The following SLCO1A2 variants were observed in gnomAD, a reference collection of about 807,000 sequenced individuals.
SLCO1A2 encodes solute carrier organic anion transporter family member 1A2, also known as OATP-1.
A neutral mutation model predicts 69.0 loss-of-function variants in SLCO1A2; 67 were observed. The ratio of observed to expected loss-of-function variants is 0.97; its 90% CI spans 0.80 to 1.19. The LOEUF (loss-of-function observed/expected upper bound fraction) is 1.19, where lower values mean the gene tolerates loss of function less well. Ranked by LOEUF, SLCO1A2 falls within the 50% of genes most tolerant of loss-of-function variation. The pLI is 0.00. For synonymous variants in SLCO1A2, 260 were observed against 265.9 expected (o/e 0.98, Z 0.22); for missense variants, 787 against 793.7 (o/e 0.99, Z 0.10).
At chr12:21,342,115 C>T (rs1334052611) in intron 2 of SLCO1A2, among the ~76,000 whole-genome samples, 1 of 151,924 alleles carries the variant, frequency 6.6e-6, no homozygotes, top group Non-Finnish European at 1.5e-5. Context: ...TGGACCATGG[C>T]TAAAGGCAGG....
intron 5 of SLCO1A2, among the ~76,000 whole-genome samples, chr12:21,305,958 T>G (rs2136522616): frequency 6.6e-6 from 1 of 152,264 alleles, no homozygotes; most frequent in East Asian, 1.9e-4. Flanking sequence ...TATACAAGTC[T>G]CTTAGCAGAA....
intron 1 of SLCO1A2, among the ~76,000 whole-genome samples, chr12:21,387,836 ACACGCAACAC>A (rs1043555296): frequency 6.6e-6 from 1 of 152,168 alleles, no homozygotes; most frequent in African/African-American, 2.4e-5. Flanking sequence ...AAAGCCACAG[ACACGCAACAC>A]CAGCCCATAA....
At chr12:21,289,992 AC>A (rs1333276433) in intron 12 of SLCO1A2, among the ~76,000 whole-genome samples, 10 of 148,962 alleles carry the variant, frequency 6.7e-5, no homozygotes, top group Admixed American at 5.3e-4. Context: ...GAATAGAGAA[AC>A]CGTTTGTTTT....
In SLCO1A2 at chr12:21,267,851, C is replaced by T. The variant is rs939615053; in HGVS notation, c.*1697G>A. On this transcript the variant is annotated 3_prime_UTR_variant, in exon 15 of 15. Transcript: ENST00000683939. ...CCACAAAGGAAGTGGCTCCAAATTT[C>T]ATGTCATCAGATCTTAATACGATAT... 11 of 152,038 alleles carry T rather than the reference C, an allele frequency of 7.2e-5. No individual in the cohort carries two copies. The highest frequency in any genetic ancestry group is 2.4e-4 in the African/African-American group (10 of 41,426). The allele number at this position is 152,038 out of a possible 1,614,324, so 9.4% of individuals were successfully genotyped here.
At position 21,404,586 on chromosome 12, in the gene SLCO1A2, G is replaced by A. The variant is rs1222749437; in HGVS notation, c.-312+13296C>T. ...TGATCTCATTCCTTTTCATGGCTGTGTAGTATTACATGGTGTATATATACC... is the reference window on the plus strand; with the variant it reads ...TGATCTCATTCCTTTTCATGGCTGTATAGTATTACATGGTGTATATATACC... On this transcript the variant is annotated intron_variant, in intron 1 of 4. Transcript: ENST00000413682. Among the ~76,000 whole-genome samples the A allele has an allele frequency of 3.9e-5, 6 of 152,236 alleles. No individual in the cohort carries two copies. The South Asian group carries it at 1.2e-3, about 32-fold the overall frequency.
At chr12:21,341,581 T>C (rs1168597554) in intron 2 of SLCO1A2, among the ~76,000 whole-genome samples, 1 of 152,076 alleles carries the variant, frequency 6.6e-6, no homozygotes, top group East Asian at 1.9e-4. Flanking sequence ...CCAATTTTTC[T>C]GCCTTTTTTT....
intron 2 of SLCO1A2, among the ~76,000 whole-genome samples, chr12:21,362,203 G>A (rs907437304): frequency 1.5e-4 from 23 of 152,154 alleles, no homozygotes; most frequent in Admixed American, 1.2e-3. Flanking sequence ...CGGGTCTCTC[G>A]GCAGAAACTC....
At chr12:21,406,645 T>C (rs1591921688) in intron 1 of SLCO1A2, among the ~76,000 whole-genome samples, 1 of 152,338 alleles carries the variant, frequency 6.6e-6, no homozygotes, top group East Asian at 1.9e-4. Flanking sequence ...ATAAGTACTA[T>C]TGTTATCCCA....
chr12:21,302,912 G>A (rs146834367), intron 6 of SLCO1A2, among the ~76,000 whole-genome samples: 17 of 151,206 alleles, frequency 1.1e-4, no homozygotes, highest in African/African-American at 3.9e-4. Flanking sequence ...GGCTGGTCTC[G>A]AACTCCTGAC....
chr12:21,407,263 C>T (rs1320091503), intron 1 of SLCO1A2, among the ~76,000 whole-genome samples: 1 of 152,068 alleles, frequency 6.6e-6, no homozygotes, highest in African/African-American at 2.4e-5. Context: ...TCAGCAAATG[C>T]AAAAGCCTTA....
chr12:21,360,390 A>G (rs1230596114), intron 2 of SLCO1A2, among the ~76,000 whole-genome samples: 1 of 152,250 alleles, frequency 6.6e-6, no homozygotes, highest in African/African-American at 2.4e-5. Context: ...ATCATCAGAT[A>G]TTTAAAGAAA....
At chr12:21,314,491 A>G in intron 4 of SLCO1A2, 58 bp downstream of exon 4, 2 of 1,596,600 alleles carry the variant, frequency 1.3e-6, no homozygotes, top group Non-Finnish European at 8.6e-7. Flanking sequence ...GGAAAGTGCA[A>G]CTTCATTTCC....
At chr12:21,374,723 G>T (rs970769595) in intron 1 of SLCO1A2, among the ~76,000 whole-genome samples, 2 of 152,092 alleles carry the variant, frequency 1.3e-5, no homozygotes, top group Admixed American at 1.3e-4. Flanking sequence ...GTATTTCCTA[G>T]TATATCTGTT....
intron 2 of SLCO1A2, among the ~76,000 whole-genome samples, chr12:21,341,878 T>C (rs1953080556): frequency 2.0e-5 from 3 of 151,894 alleles, no homozygotes; most frequent in Admixed American, 6.6e-5. Context: ...TTGGGACGAG[T>C]AAATAAAATG....
At chr12:21,278,559 G>A (rs1237580892) in intron 12 of SLCO1A2, among the ~76,000 whole-genome samples, 1 of 152,148 alleles carries the variant, frequency 6.6e-6, no homozygotes, top group Non-Finnish European at 1.5e-5. Flanking sequence ...TTGTTTGGAA[G>A]AAATTAAGGC....
chr12:21,356,159 T>C (rs1467765428), intron 2 of SLCO1A2, among the ~76,000 whole-genome samples: 1 of 152,066 alleles, frequency 6.6e-6, no homozygotes, highest in Non-Finnish European at 1.5e-5. Context: ...GTTACTACCG[T>C]CTCTGTACCT....
At chr12:21,410,254 G>C (rs995133808) in intron 1 of SLCO1A2, among the ~76,000 whole-genome samples, 1 of 151,952 alleles carries the variant, frequency 6.6e-6, no homozygotes, top group African/African-American at 2.4e-5. Flanking sequence ...ATATAGTTTT[G>C]CAATTGCATT....
At chr12:21,418,921 T>C (rs1021343556), upstream of SLCO1A2, among the ~76,000 whole-genome samples, 8 of 152,144 alleles carry the variant, frequency 5.3e-5, no homozygotes, top group Non-Finnish European at 1.0e-4. Context: ...TTTTAAATTA[T>C]TGAAAAAAAT....
intron 4 of SLCO1A2, among the ~76,000 whole-genome samples, chr12:21,310,355 C>G (rs1949960717): frequency 6.6e-6 from 1 of 152,214 alleles, no homozygotes; most frequent in Non-Finnish European, 1.5e-5. Context: ...ACAATGTACA[C>G]ACAGTAATTG....
Sources: allele counts gnomAD v4.1 joint callset (sites outside exome capture counted in the v4.1 genomes callset), GRCh38; gene constraint gnomAD v4.1.1; transcripts MANE v1.5; gene names NCBI Gene and HGNC (gene_info 2026-07-23, HGNC 2026-07-21).